Variants in ST14 observed in about 807,000 individuals in gnomAD.
ST14 encodes suppressor of tumorigenicity 14 protein.
Under a neutral mutation model 96.5 loss-of-function variants are expected in ST14, and 40 were observed. That is an observed-to-expected ratio of 0.41 (90% CI 0.32 to 0.54). The LOEUF (loss-of-function observed/expected upper bound fraction) is 0.54. Among genes scored for constraint, ST14 ranks in the 20% least tolerant of loss-of-function variants. The pLI is 0.17. For missense variants in ST14, 1,066 were observed against 1,188.9 expected (o/e 0.90, Z 1.52); for synonymous variants, 506 against 492.1 (o/e 1.03, Z -0.37).
At chr11:130,180,460 A>C (rs1205025992) in intron 1 of ST14, among the ~76,000 whole-genome samples, 1 of 152,138 alleles carries the variant, frequency 6.6e-6, no homozygotes, top group Non-Finnish European at 1.5e-5. Flanking sequence ...CTTTGTGTGC[A>C]GTTGGTAGTA....
At chr11:130,209,637 C>T (rs999564248) in intron 18 of ST14, 25 bp from the exon 19 acceptor site, 3 of 1,582,936 alleles carry the variant, frequency 1.9e-6, no homozygotes, top group Admixed American at 1.8e-5. Context: ...ACTGGGGACT[C>T]ACGGCAGGGC....
intron 1 of ST14, among the ~76,000 whole-genome samples, chr11:130,186,615 C>G (rs1324031346): frequency 6.6e-6 from 1 of 152,100 alleles, no homozygotes; most frequent in Non-Finnish European, 1.5e-5. Context: ...AAAACAAAGA[C>G]ATATACAAAG....
chr11:130,203,543 G>A (rs1953453738), intron 16 of ST14, among the ~76,000 whole-genome samples: 1 of 152,220 alleles, frequency 6.6e-6, no homozygotes, highest in Non-Finnish European at 1.5e-5. Flanking sequence ...CTTCACGACC[G>A]ACACGGCCAC....
At position 130,188,266 on chromosome 11, in the gene ST14, T is replaced by C. The variant is rs767643208; in HGVS notation, c.234T>C (p.His78=). 25 of 1,613,204 alleles carry C rather than the reference T, an allele frequency of 1.5e-5. No homozygotes were observed. The highest frequency in any genetic ancestry group is 1.9e-5 in the Non-Finnish European group (22 of 1,179,414). The change falls in exon 2 of 19, where the codon CAT becomes CAC. Residue 78 remains histidine, a synonymous_variant. Coordinates refer to ENST00000278742, the MANE Select transcript of ST14 (RefSeq NM_021978.4). The surrounding 1 kb of genome is among the most constrained non-coding windows in gnomAD (Gnocchi z 5.4). ...TGGGGATCGGCTTCCTGGTGTGGCA[T>C]TTGCAGTGTGAGTAAAGCTGGGGCT... The part of the protein sequence containing the change: ...VLLGIGFLVW[H]LQYRDVRVQK...
At chr11:130,195,955 G>T (rs1019604769) in intron 9 of ST14, among the ~76,000 whole-genome samples, 1 of 152,036 alleles carries the variant, frequency 6.6e-6, no homozygotes, top group African/African-American at 2.4e-5. Context: ...TCAGGAGTTT[G>T]AGACCAGCCT....
intron 1 of ST14, among the ~76,000 whole-genome samples, chr11:130,183,211 C>T (rs369452882): frequency 6.6e-5 from 10 of 151,816 alleles, no homozygotes; most frequent in East Asian, 3.9e-4. Context: ...CTGCCTGCCT[C>T]GGCCTCCCAA....
At position 130,188,946 on chromosome 11, in the gene ST14, G is replaced by A; in HGVS notation, c.440+7G>A. 1 of 1,607,320 alleles carries A rather than the reference G, an allele frequency of 6.2e-7. No homozygotes were observed. The highest frequency in any genetic ancestry group is 8.5e-7 in the Non-Finnish European group (1 of 1,177,382). On this transcript the variant is annotated splice_region_variant and intron_variant, in intron 4 of 18. Transcript: ENST00000278742. The surrounding 1 kb of genome is among the most constrained non-coding windows in gnomAD (Gnocchi z 5.4). Reference sequence around the variant, plus strand: ...CGGCTGTGACGGCCTTCAGGTGGGTGTGGAGAGAAGGCTCAGTGGGATGCA... The same window carrying A: ...CGGCTGTGACGGCCTTCAGGTGGGTATGGAGAGAAGGCTCAGTGGGATGCA...
chr11:130,185,631 G>A (rs1183058170), intron 1 of ST14, among the ~76,000 whole-genome samples: 1 of 152,088 alleles, frequency 6.6e-6, no homozygotes, highest in Non-Finnish European at 1.5e-5. Flanking sequence ...ACTCCAGCCT[G>A]GGCAACACAG....
Position 130,171,597 on chromosome 11 carries a change from T to A in ST14, c.81+11537T>A, listed in dbSNP as rs372065635. Among the ~76,000 whole-genome samples, 12 of 152,272 alleles carry A rather than the reference T, an allele frequency of 7.9e-5. No individual in the cohort carries two copies. The South Asian group carries it at 2.5e-3, about 32-fold the overall frequency. On this transcript the variant is annotated intron_variant, in intron 1 of 18. Transcript: ENST00000278742. ...GGGGGGTCTCTTGAGTGGTGCAAGA[T>A]CAAAGATAACCAGGTCCCCGCACGT...
rs595073 is a variant in ST14, at chr11:130,198,092, A to C, written c.1459+147A>C. On this transcript the variant is annotated intron_variant, in intron 12 of 18. Coordinates refer to ENST00000278742, the MANE Select transcript of ST14 (RefSeq NM_021978.4). Reference sequence around the variant, plus strand: ...GCCCTGTGTAGAGACCTCTGGCCCCACTCCCCACCCTGCCATATGGAGATC... The same window carrying C: ...GCCCTGTGTAGAGACCTCTGGCCCCCCTCCCCACCCTGCCATATGGAGATC... 0.34 allele frequency: 305,543 copies of C among 890,696 alleles called. 55,117 individuals carry two copies. The highest frequency in any genetic ancestry group is 0.37 in the Non-Finnish European group (210,224 of 566,004). 55.2% of individuals were successfully genotyped at this position (890,696 alleles called of 1,614,324 possible).
intron 1 of ST14, among the ~76,000 whole-genome samples, chr11:130,169,178 T>C (rs1953066911): frequency 7.3e-6 from 1 of 137,280 alleles, no homozygotes; most frequent in Admixed American, 7.8e-5. Context: ...CACTGCAACC[T>C]CCGCCTCCCT....
At chr11:130,167,227 A>G (rs2136201825) in intron 1 of ST14, among the ~76,000 whole-genome samples, 1 of 152,302 alleles carries the variant, frequency 6.6e-6, no homozygotes, top group South Asian at 2.1e-4. Flanking sequence ...AATTTTTTTT[A>G]ATAAAAATGA....
Position 130,160,079 on chromosome 11 carries a change from C to T in ST14, c.81+19C>T. 1 of 1,412,292 alleles carries T rather than the reference C, an allele frequency of 7.1e-7. No homozygotes were observed. The highest frequency in any genetic ancestry group is 1.5e-5 in the South Asian group (1 of 66,724). The allele number at this position is 1,412,292 out of a possible 1,614,324, so 87.5% of individuals were successfully genotyped here. On this transcript the variant is annotated intron_variant, in intron 1 of 18. Coordinates refer to ENST00000278742, the MANE Select transcript of ST14 (RefSeq NM_021978.4). Reference sequence around the variant, plus strand: ...GCACGAGGTGAGCGCGGGCCGGGGACCCGGGGCGCTGGGAAGCTCCTGCCC... The same window carrying T: ...GCACGAGGTGAGCGCGGGCCGGGGATCCGGGGCGCTGGGAAGCTCCTGCCC...
chr11:130,196,515 C>T, intron 10 of ST14, 55 bp from the exon 11 acceptor site: 5 of 1,557,858 alleles, frequency 3.2e-6, no homozygotes, highest in South Asian at 1.1e-5. Flanking sequence ...ACCAGACCCC[C>T]AGCCCCCCGG....
At chr11:130,200,405 A>G (rs570588462) in intron 16 of ST14, among the ~76,000 whole-genome samples, 4 of 152,314 alleles carry the variant, frequency 2.6e-5, no homozygotes, top group South Asian at 4.1e-4. Context: ...TCCATGGCAG[A>G]AGGTGAAGGG....
At chr11:130,206,567 C>CTTTT (rs57270082) in intron 16 of ST14, among the ~76,000 whole-genome samples, 8 of 143,200 alleles carry the variant, frequency 5.6e-5, no homozygotes, top group African/African-American at 1.5e-4. Context: ...CTTTTCTTTT[C>CTTTT]TTTTTTTTTT....
At chr11:130,197,436 T>C (rs370028797) in intron 11 of ST14, among the ~76,000 whole-genome samples, 3 of 152,368 alleles carry the variant, frequency 2.0e-5, no homozygotes, top group African/African-American at 7.2e-5. Context: ...TACATTTGGA[T>C]AGGACACATC....
rs760726418 is a variant in ST14 at position 130,198,409 on chromosome 11, C to A, written c.1561C>A (p.Gln521Lys). ...CGACTGCGGAGACAACAGCGACGAG[C>A]AGGGGTGCAGTGAGTGCTGGGGAGG... ...VNDCGDNSDE[Q>K]GCSCPAQTFR... The change falls in exon 13 of 19, where the codon CAG becomes AAG. Residue 521 changes from glutamine to lysine, a missense_variant. By Grantham distance (53) the Gln-to-Lys change is moderately conservative. Coordinates refer to ENST00000278742, the MANE Select transcript of ST14 (RefSeq NM_021978.4). 4 of 1,614,078 alleles carry A rather than the reference C, an allele frequency of 2.5e-6. No individual in the cohort carries two copies.
At chr11:130,194,852 ATGTGTGTG>A (rs58417767) in intron 9 of ST14, 115 bp downstream of exon 9, 481,235 of 782,262 alleles carry the variant, frequency 0.62, 150,102 homozygotes, top group Admixed American at 0.75. Flanking sequence ...ATATGTGTGC[ATGTGTGTG>A]TGTGTGTGTG....
Sources: allele counts gnomAD v4.1 joint callset (sites outside exome capture counted in the v4.1 genomes callset), GRCh38; gene constraint gnomAD v4.1.1; non-coding constraint Gnocchi (gnomAD v3.1); transcripts MANE v1.5; gene names NCBI Gene and HGNC (gene_info 2026-07-23, HGNC 2026-07-21).